The following CNGB3 variants were observed in gnomAD, a reference collection of about 807,000 sequenced individuals.
The protein encoded by CNGB3 is cyclic nucleotide-gated channel beta-3.
A neutral mutation model predicts 92.8 loss-of-function variants in CNGB3; 86 were observed. That is an observed-to-expected ratio of 0.93 (90% CI 0.78 to 1.11). The LOEUF is 1.11. Among genes scored for constraint, CNGB3 ranks in the 50% least tolerant of loss-of-function variants. CNGB3 has a pLI of 0.00. For missense variants in CNGB3, 1,026 were observed against 956.8 expected, an observed-to-expected ratio of 1.07 and a Z score of -0.95; for synonymous variants, 333 against 332.7, an observed-to-expected ratio of 1.00 and a Z score of -0.01.
chr8:86,616,463 C>T (rs4266668), intron 13 of CNGB3, among the ~76,000 whole-genome samples: 149,103 of 152,176 alleles, frequency 0.98, 73,050 homozygotes, highest in East Asian at 1. Flanking sequence ...TCTTTTTTTT[C>T]CTCCAGAAAA....
intron 3 of CNGB3, among the ~76,000 whole-genome samples, chr8:86,700,487 C>A (rs1824534362): frequency 1.3e-5 from 2 of 152,066 alleles, no homozygotes; most frequent in African/African-American, 4.8e-5. Context: ...TTTCTATTTA[C>A]AAAATGTCTC....
At chr8:86,664,261 GA>G (rs556907930) in intron 6 of CNGB3, among the ~76,000 whole-genome samples, 3 of 152,106 alleles carry the variant, frequency 2.0e-5, no homozygotes, top group Admixed American at 6.5e-5. Flanking sequence ...TTTTAAGGAA[GA>G]AAAAAATATT....
At chr8:86,699,219 C>T (rs1824506906) in intron 3 of CNGB3, among the ~76,000 whole-genome samples, 1 of 152,136 alleles carries the variant, frequency 6.6e-6, no homozygotes, top group African/African-American at 2.4e-5. Context: ...CCATCTGTTG[C>T]ACCTTAGTGT....
chr8:86,695,458 C>T (rs1452968261), intron 3 of CNGB3, among the ~76,000 whole-genome samples: 1 of 152,002 alleles, frequency 6.6e-6, no homozygotes, highest in African/African-American at 2.4e-5. Context: ...ATTGTTGAAA[C>T]CTTCCAGTGT....
chr8:86,703,336 T>C (rs1033537222), intron 3 of CNGB3, among the ~76,000 whole-genome samples: 1 of 152,226 alleles, frequency 6.6e-6, no homozygotes, highest in African/African-American at 2.4e-5. Context: ...ATTGTGTTGG[T>C]AAAGAAAGAC....
At chr8:86,694,249 A>G (rs1466392169) in intron 3 of CNGB3, among the ~76,000 whole-genome samples, 1 of 108,854 alleles carries the variant, frequency 9.2e-6, no homozygotes, top group Non-Finnish European at 1.8e-5. Context: ...TCCCTCCTGG[A>G]TGGGGCGGCT....
At chr8:86,671,317 A>G (rs1174462732) in intron 3 of CNGB3, among the ~76,000 whole-genome samples, 1 of 152,180 alleles carries the variant, frequency 6.6e-6, no homozygotes, top group Admixed American at 6.5e-5. Flanking sequence ...GCAAGTGGTA[A>G]CTCTTGACCA....
chr8:86,592,062 G>A (rs11987108), intron 15 of CNGB3, among the ~76,000 whole-genome samples: 33,071 of 151,220 alleles, frequency 0.22, 5,394 homozygotes, highest in African/African-American at 0.47. Flanking sequence ...TTTTAAGCCC[G>A]TCGGAAAAGC....
At position 86,667,109 on chromosome 8, in the gene CNGB3, A is replaced by C; in HGVS notation, c.668T>G (p.Leu223Trp). The C allele has an allele frequency of 6.2e-7, 1 of 1,614,118 alleles. No individual in the cohort carries two copies. Among genetic ancestry groups the C allele is most frequent in the Non-Finnish European group, 8.5e-7 (1 of 1,179,980 alleles). Residue 223 changes from leucine (L) to tryptophan (W), a missense_variant, in exon 6 of 18, where the codon TTG becomes TGG. Coordinates refer to ENST00000320005, the MANE Select transcript of CNGB3 (RefSeq NM_019098.5). ...CCAGTTATAGGCAAGAGTGACAAGC[A>C]AGAGCCACAGGAGATAGAGTCGATC... is the stretch of plus-strand genomic sequence containing the variant. ...YTDRLYLLWL[L>W]LVTLAYNWNC... is the part of the protein sequence containing the mutation.
At chr8:86,627,739 C>T (rs971165677) in intron 12 of CNGB3, among the ~76,000 whole-genome samples, 2 of 152,158 alleles carry the variant, frequency 1.3e-5, no homozygotes, top group African/African-American at 4.8e-5. Flanking sequence ...TATTTAGCAC[C>T]TCATGGAAGC....
At chr8:86,627,637 G>A (rs899571842) in intron 12 of CNGB3, among the ~76,000 whole-genome samples, 1 of 152,154 alleles carries the variant, frequency 6.6e-6, no homozygotes, top group Non-Finnish European at 1.5e-5. Flanking sequence ...TTGTCAACTA[G>A]CAGTGCATTA....
chr8:86,624,296 G>A (rs1411758032), intron 13 of CNGB3, among the ~76,000 whole-genome samples: 15 of 152,170 alleles, frequency 9.9e-5, no homozygotes, highest in African/African-American at 3.6e-4. Context: ...GTGCATGCCT[G>A]TAATCCCAGC....
intron 17 of CNGB3, among the ~76,000 whole-genome samples, chr8:86,578,375 T>A (rs1309721409): frequency 6.6e-6 from 1 of 152,202 alleles, no homozygotes; most frequent in Non-Finnish European, 1.5e-5. Flanking sequence ...GATTTTAAGT[T>A]ACTAATAAAT....
At chr8:86,603,735 C>A (rs146069501) in intron 15 of CNGB3, among the ~76,000 whole-genome samples, 2 of 152,170 alleles carry the variant, frequency 1.3e-5, no homozygotes, top group Non-Finnish European at 2.9e-5. Flanking sequence ...CACTAGCCTA[C>A]GCAAGACCCC....
intron 6 of CNGB3, among the ~76,000 whole-genome samples, chr8:86,663,112 G>A (rs1823676655): frequency 6.6e-6 from 1 of 152,202 alleles, no homozygotes; most frequent in Non-Finnish European, 1.5e-5. Flanking sequence ...AGGAAACACA[G>A]AGAAGGGAGT....
chr8:86,663,034 TC>T (rs1269516571), intron 6 of CNGB3, among the ~76,000 whole-genome samples: 1 of 152,204 alleles, frequency 6.6e-6, no homozygotes, highest in Non-Finnish European at 1.5e-5. Flanking sequence ...ACTGTTGGTT[TC>T]TACTACTTCA....
At chr8:86,641,228 C>A (rs1823177794) in intron 10 of CNGB3, among the ~76,000 whole-genome samples, 1 of 151,964 alleles carries the variant, frequency 6.6e-6, no homozygotes, top group Non-Finnish European at 1.5e-5. Flanking sequence ...AGGGGAGGAA[C>A]CCTCAATTCT....
At chr8:86,619,352 G>T (rs534207857) in intron 13 of CNGB3, among the ~76,000 whole-genome samples, 10 of 152,272 alleles carry the variant, frequency 6.6e-5, no homozygotes, top group Middle Eastern at 3.4e-3. Flanking sequence ...TCATAGAAAT[G>T]AATCGCTGCT....
chr8:86,587,233 A>G (rs1821916840), intron 15 of CNGB3, among the ~76,000 whole-genome samples: 1 of 151,462 alleles, frequency 6.6e-6, no homozygotes, highest in South Asian at 2.1e-4. Flanking sequence ...GATTCTGGAT[A>G]TTAGCCCTTT....
Sources: gnomAD v4.1 joint callset for allele counts (sites outside exome capture counted in the v4.1 genomes callset) on GRCh38, gnomAD v4.1.1 for gene constraint, MANE v1.5 for transcripts, NCBI Gene and HGNC (gene_info 2026-07-23, HGNC 2026-07-21) for gene names.